The following MAP3K20 variants were observed in gnomAD, a reference collection of about 807,000 sequenced individuals.
MAP3K20 encodes mitogen-activated protein kinase kinase kinase 20.
MAP3K20 carries 40 observed loss-of-function variants against 85.7 expected under a neutral mutation model. The ratio of observed to expected loss-of-function variants is 0.47; its 90% CI spans 0.36 to 0.61. MAP3K20 has a LOEUF of 0.61. MAP3K20 is among the 20% of genes least tolerant of loss of function. MAP3K20 has a pLI of 0.00. For synonymous variants in MAP3K20, 325 were observed against 327.7 expected (o/e 0.99, Z 0.09); for missense variants, 817 against 961.7 (o/e 0.85, Z 1.99).
chr2:173,221,417 G>A (rs555937679), intron 11 of MAP3K20: 1 of 1,614,020 alleles, frequency 6.2e-7, no homozygotes, highest in Non-Finnish European at 8.5e-7. Flanking sequence ...TAAGAGAAGG[G>A]GGAAGAAAGT....
chr2:173,178,630 C>CA (rs1690237575), intron 3 of MAP3K20, among the ~76,000 whole-genome samples: 1 of 151,940 alleles, frequency 6.6e-6, no homozygotes, highest in African/African-American at 2.4e-5. Context: ...GGCAAAAGAG[C>CA]AAGACTGTTT....
At chr2:173,113,437 T>C (rs993890291) in intron 2 of MAP3K20, among the ~76,000 whole-genome samples, 1 of 152,166 alleles carries the variant, frequency 6.6e-6, no homozygotes, top group Admixed American at 6.5e-5. Context: ...CTGCTAGGTT[T>C]GGGTTTGGTT....
intron 2 of MAP3K20, among the ~76,000 whole-genome samples, chr2:173,139,430 T>C (rs1282296768): frequency 1.3e-5 from 2 of 152,192 alleles, no homozygotes; most frequent in Non-Finnish European, 2.9e-5. Flanking sequence ...CTTCTCTGAG[T>C]TATTCTGAGT....
intron 2 of MAP3K20, among the ~76,000 whole-genome samples, chr2:173,135,898 TTAAC>T (rs894141128): frequency 1.2e-4 from 19 of 152,236 alleles, no homozygotes; most frequent in Non-Finnish European, 2.4e-4. Flanking sequence ...TGAATTTAAA[TTAAC>T]TAAAATCTTA....
At chr2:173,227,826 T>C (rs1193653719) in intron 11 of MAP3K20, among the ~76,000 whole-genome samples, 1 of 152,246 alleles carries the variant, frequency 6.6e-6, no homozygotes, top group Non-Finnish European at 1.5e-5. Flanking sequence ...AATATTTCTG[T>C]AACTCAGACT....
In MAP3K20 at chr2:173,238,356, T is replaced by C. The variant is rs1298355920; in HGVS notation, c.1204-17T>C. On this transcript the variant is annotated splice_polypyrimidine_tract_variant and intron_variant, in intron 14 of 19. Coordinates refer to ENST00000375213, the MANE Select transcript of MAP3K20 (RefSeq NM_016653.3). ...TATTACTGGATCATTAATAAAGTCATATGATTTTTTTTACAGTCAGCCATT... is the reference window on the plus strand; with the variant it reads ...TATTACTGGATCATTAATAAAGTCACATGATTTTTTTTACAGTCAGCCATT... The C allele has an allele frequency of 1.2e-6, 2 of 1,603,268 alleles. No homozygotes were observed. Among genetic ancestry groups the C allele is most frequent in the African/African-American group, 2.7e-5 (2 of 74,786 alleles).
At chr2:173,137,909 C>T (rs1024955169) in intron 2 of MAP3K20, among the ~76,000 whole-genome samples, 1 of 152,194 alleles carries the variant, frequency 6.6e-6, no homozygotes, top group Non-Finnish European at 1.5e-5. Flanking sequence ...TAACCATCCT[C>T]ATTTATTCCA....
intron 2 of MAP3K20, among the ~76,000 whole-genome samples, chr2:173,109,563 A>G (rs1687883532): frequency 6.6e-6 from 1 of 152,154 alleles, no homozygotes; most frequent in African/African-American, 2.4e-5. Context: ...GTAAGAAGAA[A>G]TCTTCCTTTT....
intron 2 of MAP3K20, among the ~76,000 whole-genome samples, chr2:173,149,412 T>C (rs1689231770): frequency 6.6e-6 from 1 of 150,538 alleles, no homozygotes; most frequent in Admixed American, 6.7e-5. Flanking sequence ...GTACTATATA[T>C]AGTAACATAA....
intron 11 of MAP3K20, chr2:173,222,918 A>C (rs1472899128): frequency 1.0e-6 from 1 of 985,264 alleles, no homozygotes. Flanking sequence ...AAAAGAACTA[A>C]GACTTTTTTC....
intron 16 of MAP3K20, among the ~76,000 whole-genome samples, chr2:173,252,150 TCTTCCTTG>T (rs1278053468): frequency 6.6e-6 from 1 of 152,254 alleles, no homozygotes; most frequent in Admixed American, 6.5e-5. Flanking sequence ...TTCCCTTTTT[TCTTCCTTG>T]TGGGAGATCA....
At chr2:173,133,275 A>G (rs1688669133) in intron 2 of MAP3K20, among the ~76,000 whole-genome samples, 1 of 152,214 alleles carries the variant, frequency 6.6e-6, no homozygotes, top group Non-Finnish European at 1.5e-5. Context: ...ATCTGAAAGC[A>G]GATTGGGTAA....
chr2:173,102,886 C>T (rs2106162359), intron 2 of MAP3K20, among the ~76,000 whole-genome samples: 1 of 151,916 alleles, frequency 6.6e-6, no homozygotes, highest in Non-Finnish European at 1.5e-5. Context: ...CCAGCCTGGC[C>T]AAAACCCTGT....
At chr2:173,211,042 A>G (rs1488765356) in intron 10 of MAP3K20, 1 of 152,254 alleles carries the variant, frequency 6.6e-6, no homozygotes, top group Non-Finnish European at 1.5e-5. Flanking sequence ...AGAACATTTA[A>G]GTAATATTTG....
At chr2:173,159,660 G>T (rs922558893) in intron 2 of MAP3K20, among the ~76,000 whole-genome samples, 1 of 152,166 alleles carries the variant, frequency 6.6e-6, no homozygotes, top group Non-Finnish European at 1.5e-5. Flanking sequence ...AAAGTGCTGG[G>T]ACTGCAGAGG....
At position 173,242,178 on chromosome 2, in the gene MAP3K20, T is replaced by A. The variant is rs569687089; in HGVS notation, c.1359+2682T>A. On this transcript the variant is annotated intron_variant, in intron 16 of 19. Transcript: ENST00000375213. ...AGAGATCTCAACCAAGAAAAAAAAATTTTTTTTTTTTTTTGAGACGGAGTT... is the reference window on the plus strand; with the variant it reads ...AGAGATCTCAACCAAGAAAAAAAAAATTTTTTTTTTTTTTGAGACGGAGTT... 3.3e-4 allele frequency among the ~76,000 whole-genome samples: 34 copies of A among 104,460 alleles called. 1 individual carries two copies. Among genetic ancestry groups the A allele is most frequent in the South Asian group, 3.1e-3 (9 of 2,868 alleles). The allele number at this position is 104,460 out of a possible 152,430, so 68.5% of individuals were successfully genotyped here. A position where few individuals can be genotyped will look rare whatever the true frequency, so the allele number is the denominator to read the frequency against.
At chr2:173,241,430 C>T (rs1171296621) in intron 16 of MAP3K20, among the ~76,000 whole-genome samples, 6 of 151,932 alleles carry the variant, frequency 3.9e-5, no homozygotes, top group Non-Finnish European at 7.4e-5. Flanking sequence ...CTGGGCAACA[C>T]GGTGGAATCC....
chr2:173,206,602 G>A (rs911052672), intron 9 of MAP3K20, among the ~76,000 whole-genome samples: 1 of 150,662 alleles, frequency 6.6e-6, no homozygotes, highest in African/African-American at 2.4e-5. Context: ...AGTCTTCCTT[G>A]GTTATTCTAT....
Position 173,214,968 on chromosome 2 carries a change from C to T in MAP3K20, c.852-2147C>T, listed in dbSNP as rs149054367. Among the ~76,000 whole-genome samples, 114 of 152,272 alleles carry T rather than the reference C, an allele frequency of 7.5e-4. No homozygotes were observed. The Middle Eastern group carries it at 0.01, about 14-fold the overall frequency. ...CAGTGTTGGGAGTGCTGTTGGAAAG[C>T]TGAGCCTGAGAGACAGATTGAGGAA... On this transcript the variant is annotated intron_variant, in intron 10 of 19. Coordinates refer to ENST00000375213, the MANE Select transcript of MAP3K20 (RefSeq NM_016653.3).
Sources: gnomAD v4.1 joint callset for allele counts (sites outside exome capture counted in the v4.1 genomes callset) on GRCh38, gnomAD v4.1.1 for gene constraint, MANE v1.5 for transcripts, NCBI Gene and HGNC (gene_info 2026-07-23, HGNC 2026-07-21) for gene names.